Variants in IGF1R observed in about 807,000 individuals in gnomAD.
IGF1R encodes insulin-like growth factor 1 receptor.
A neutral mutation model predicts 144.6 loss-of-function variants in IGF1R; 44 were observed. The observed-to-expected ratio is 0.30, with a 90% CI of 0.24 to 0.39. The LOEUF is 0.39. Among genes scored for constraint, IGF1R ranks in the 10% least tolerant of loss-of-function variants. The probability of loss-of-function intolerance (pLI) is 1.00; values close to 1 mark genes in which losing one functional copy is unlikely to be tolerated. For missense variants in IGF1R, 1,355 were observed against 1,833.7 expected, an observed-to-expected ratio of 0.74 and a Z score of 4.77; for synonymous variants, 795 against 722.8, an observed-to-expected ratio of 1.10 and a Z score of -1.60.
At chr15:98,715,191 G>A (rs2054085429) in intron 2 of IGF1R, among the ~76,000 whole-genome samples, 2 of 152,194 alleles carry the variant, frequency 1.3e-5, no homozygotes, top group Non-Finnish European at 1.5e-5. Context: ...GATTGCCGAC[G>A]CTTGTTGCCG....
chr15:98,776,550 T>C (rs1686337953), intron 2 of IGF1R, among the ~76,000 whole-genome samples: 1 of 152,200 alleles, frequency 6.6e-6, no homozygotes, highest in African/African-American at 2.4e-5. Flanking sequence ...TGGTACTTGA[T>C]TTTGTCAGCA....
intron 2 of IGF1R, among the ~76,000 whole-genome samples, chr15:98,715,190 C>T (rs928404678): frequency 6.6e-5 from 10 of 152,202 alleles, no homozygotes; most frequent in African/African-American, 2.2e-4. Context: ...TGATTGCCGA[C>T]GCTTGTTGCC....
rs1165625851 is a variant in IGF1R, at chr15:98,957,689, CT to C, written c.*249del. 2 of 581,842 alleles carry C rather than the reference CT, an allele frequency of 3.4e-6. No individual in the cohort carries two copies. Among genetic ancestry groups the C allele is most frequent in the African/African-American group, 1.9e-5 (1 of 53,574 alleles). The allele number at this position is 581,842 out of a possible 1,614,324, so 36.0% of individuals were successfully genotyped here. ...TTAACTGACATGGGCCTTTAAGAAC[CT>C]TAATGACAACACTTAATAGCAACAG... On this transcript the variant is annotated 3_prime_UTR_variant, in exon 21 of 21. Coordinates refer to ENST00000650285, the MANE Select transcript of IGF1R (RefSeq NM_000875.5).
intron 2 of IGF1R, chr15:98,824,325 A>C (rs1189013770): frequency 6.6e-6 from 1 of 152,162 alleles, no homozygotes; most frequent in African/African-American, 2.4e-5. Context: ...AATGCCCTTT[A>C]TGTTTTCCTC....
rs2017204750 is a variant in IGF1R, at chr15:98,961,021, T to A, written c.*3579T>A. 1 of 233,686 alleles carries A rather than the reference T, an allele frequency of 4.3e-6. No individual in the cohort carries two copies. The allele number at this position is 233,686 out of a possible 1,614,324, so 14.5% of individuals were successfully genotyped here. A position where few individuals can be genotyped will look rare whatever the true frequency, so the allele number is the denominator to read the frequency against. On this transcript the variant is annotated 3_prime_UTR_variant, in exon 21 of 21. Coordinates refer to ENST00000650285, the MANE Select transcript of IGF1R (RefSeq NM_000875.5). ...AGGCACTGATGATTTCGCTGGGAAGTGTGGCGGGCAGCTTTGCCTAAGCGT... is the reference window on the plus strand; with the variant it reads ...AGGCACTGATGATTTCGCTGGGAAGAGTGGCGGGCAGCTTTGCCTAAGCGT...
chr15:98,914,557 G>A (rs990791066), intron 8 of IGF1R, among the ~76,000 whole-genome samples: 2 of 152,220 alleles, frequency 1.3e-5, no homozygotes, highest in Non-Finnish European at 2.9e-5. Flanking sequence ...GATCCTGCGT[G>A]TGGGTTGGTG....
intron 5 of IGF1R, among the ~76,000 whole-genome samples, chr15:98,901,780 A>G (rs201415953): frequency 1.1e-4 from 17 of 152,342 alleles, no homozygotes; most frequent in Middle Eastern, 3.4e-3. Context: ...ATGGGCCTTG[A>G]AGGCTTTCGG....
Position 98,935,351 on chromosome 15 carries a change from A to G in IGF1R, c.3222A>G (p.Pro1074=). 6.4e-7 allele frequency: 1 copy of G among 1,551,508 alleles called. No homozygotes were observed. The highest frequency in any genetic ancestry group is 8.7e-7 in the Non-Finnish European group (1 of 1,146,892). Residue 1074 remains proline (P), a synonymous_variant, in exon 17 of 21, where the codon CCA becomes CCG. Coordinates refer to ENST00000650285, the MANE Select transcript of IGF1R (RefSeq NM_000875.5). The surrounding 1 kb of genome is among the most constrained non-coding windows in gnomAD (Gnocchi z 4.2). ...TGGGTGTGGTGTCCCAAGGCCAGCCAACACTGGTCATCATGGAACTGATGA... is the reference window on the plus strand; with the variant it reads ...TGGGTGTGGTGTCCCAAGGCCAGCCGACACTGGTCATCATGGAACTGATGA... ...RLLGVVSQGQ[P]TLVIMELMTR...
intron 1 of IGF1R, among the ~76,000 whole-genome samples, chr15:98,670,722 T>A (rs764468588): frequency 3.3e-5 from 5 of 152,318 alleles, no homozygotes; most frequent in Admixed American, 1.3e-4. Context: ...CTACATTTGA[T>A]TATGGCAGAT....
chr15:98,699,586 T>C, intron 1 of IGF1R, among the ~76,000 whole-genome samples: 1 of 152,194 alleles, frequency 6.6e-6, no homozygotes, highest in East Asian at 1.9e-4. Context: ...GCCAGTCTGT[T>C]TGGCTACAGA....
chr15:98,799,632 G>A (rs185665667), intron 2 of IGF1R, among the ~76,000 whole-genome samples: 5 of 152,218 alleles, frequency 3.3e-5, no homozygotes, highest in East Asian at 1.9e-4. Flanking sequence ...GGTGGGAGGC[G>A]GCCGGCATGG....
At position 98,649,204 on chromosome 15, in the gene IGF1R, T is replaced by A; in HGVS notation, c.-378T>A. 4.6e-6 allele frequency: 1 copy of A among 218,664 alleles called. No homozygotes were observed. Among genetic ancestry groups the A allele is most frequent in the Non-Finnish European group, 9.2e-6 (1 of 108,816 alleles). The allele number at this position is 218,664 out of a possible 1,614,324, so 13.5% of individuals were successfully genotyped here. A position where few individuals can be genotyped will look rare whatever the true frequency, so the allele number is the denominator to read the frequency against. ...CCCGCGCGGCCAGGGCCGGGCTTGT[T>A]TTTCCTCGCCTAGGCAGATTTGGGC... On this transcript the variant is annotated 5_prime_UTR_variant, in exon 1 of 21. Coordinates refer to ENST00000650285, the MANE Select transcript of IGF1R (RefSeq NM_000875.5).
intron 2 of IGF1R, among the ~76,000 whole-genome samples, chr15:98,803,566 T>C (rs1455957963): frequency 6.6e-6 from 1 of 150,748 alleles, no homozygotes; most frequent in Non-Finnish European, 1.5e-5. Flanking sequence ...AGTGCAGTGG[T>C]GCAATCACAG....
intron 12 of IGF1R, among the ~76,000 whole-genome samples, 173 bp downstream of exon 12, chr15:98,924,185 T>G (rs1405265831): frequency 1.3e-5 from 2 of 152,242 alleles, no homozygotes; most frequent in East Asian, 3.8e-4. Context: ...CAAGGAGTAC[T>G]GCATAGTGTG....
At chr15:98,824,299 T>A (rs1295733716) in intron 2 of IGF1R, 4 of 152,248 alleles carry the variant, frequency 2.6e-5, no homozygotes, top group African/African-American at 9.6e-5. Flanking sequence ...CCTCCCTATC[T>A]CTTTCACTCT....
chr15:98,881,167 T>G (rs560989071), intron 2 of IGF1R, among the ~76,000 whole-genome samples: 3 of 152,346 alleles, frequency 2.0e-5, no homozygotes, highest in African/African-American at 7.2e-5. Context: ...TCATGTTGCC[T>G]GGGTTTTGTC....
chr15:98,883,018 C>G (rs1011087536), intron 2 of IGF1R, among the ~76,000 whole-genome samples: 1 of 152,228 alleles, frequency 6.6e-6, no homozygotes, highest in Non-Finnish European at 1.5e-5. Context: ...TATTTAGGTT[C>G]AGACAGACAA....
intron 2 of IGF1R, among the ~76,000 whole-genome samples, chr15:98,755,964 AC>A (rs1453957022): frequency 6.6e-6 from 1 of 152,152 alleles, no homozygotes; most frequent in African/African-American, 2.4e-5. Flanking sequence ...GTAATAAATT[AC>A]GTTGATTAGA....
At chr15:98,850,576 G>A (rs2011492330) in intron 2 of IGF1R, among the ~76,000 whole-genome samples, 1 of 152,246 alleles carries the variant, frequency 6.6e-6, no homozygotes, top group Non-Finnish European at 1.5e-5. Flanking sequence ...GAGGAGTCAG[G>A]TGGAACTTGT....
Sources: gnomAD v4.1 joint callset for allele counts (sites outside exome capture counted in the v4.1 genomes callset) on GRCh38, gnomAD v4.1.1 for gene constraint, Gnocchi (gnomAD v3.1) non-coding constraint, MANE v1.5 for transcripts, NCBI Gene and HGNC (gene_info 2026-07-23, HGNC 2026-07-21) for gene names.